SAMD4A: variants seen among roughly 807,000 people sequenced by gnomAD.
The protein encoded by SAMD4A is protein Smaug homolog 1.
Under a neutral mutation model 81.3 loss-of-function variants are expected in SAMD4A, and 33 were observed. The observed-to-expected ratio is 0.41, with a 90% confidence interval of 0.31 to 0.54. The LOEUF is 0.54. Ranked by LOEUF, SAMD4A falls within the 20% of genes least tolerant of loss-of-function variation. SAMD4A has a pLI of 0.37. For synonymous variants in SAMD4A, 389 were observed against 382.1 expected (o/e 1.02, Z -0.21); for missense variants, 854 against 951.1 (o/e 0.90, Z 1.34).
chr14:54,673,279 C>A (rs1199161249), intron 2 of SAMD4A, among the ~76,000 whole-genome samples: 1 of 152,206 alleles, frequency 6.6e-6, no homozygotes, highest in Non-Finnish European at 1.5e-5. Context: ...GAATTTGGCT[C>A]TTTCACGCTC....
intron 2 of SAMD4A, among the ~76,000 whole-genome samples, chr14:54,657,132 A>G (rs2035538431): frequency 6.6e-6 from 1 of 152,114 alleles, no homozygotes; most frequent in Non-Finnish European, 1.5e-5. Context: ...TCATTTTTCA[A>G]TTTCCTCACT....
chr14:54,566,860 C>G (rs987080861), upstream of SAMD4A, among the ~76,000 whole-genome samples: 3 of 152,072 alleles, frequency 2.0e-5, no homozygotes, highest in Admixed American at 2.0e-4. Flanking sequence ...AGCCGGGGCT[C>G]TGGGTTGCGC....
intron 3 of SAMD4A, among the ~76,000 whole-genome samples, chr14:54,705,558 G>C (rs1426772910): frequency 1.5e-5 from 2 of 137,402 alleles, no homozygotes; most frequent in Non-Finnish European, 3.2e-5. Flanking sequence ...CAGAAGGCCA[G>C]CCACCTCCTT....
chr14:54,622,308 A>T (rs551671916), intron 2 of SAMD4A, among the ~76,000 whole-genome samples: 1 of 152,298 alleles, frequency 6.6e-6, no homozygotes, highest in East Asian at 1.9e-4. Flanking sequence ...TCTTAGAGAA[A>T]ACTCTTCTCA....
At chr14:54,566,048 C>G (rs533465550), upstream of SAMD4A, among the ~76,000 whole-genome samples, 1 of 152,130 alleles carries the variant, frequency 6.6e-6, no homozygotes, top group Non-Finnish European at 1.5e-5. Flanking sequence ...CCCTGCCAAG[C>G]CCATGATGTA....
intron 4 of SAMD4A, among the ~76,000 whole-genome samples, chr14:54,739,827 C>G (rs563906004): frequency 6.6e-6 from 1 of 152,286 alleles, no homozygotes; most frequent in East Asian, 1.9e-4. Context: ...ATCTCCGTGT[C>G]TAAGAGCAGG....
Position 54,727,166 on chromosome 14 carries a change from C to CTTTTTTTT in SAMD4A, c.716-9824_716-9817dup, listed in dbSNP as rs567831973. 5.0e-3 allele frequency among the ~76,000 whole-genome samples: 293 copies of CTTTTTTTT among 59,188 alleles called. 77 individuals are homozygous for CTTTTTTTT. Among genetic ancestry groups the CTTTTTTTT allele is most frequent in the Non-Finnish European group, 7.6e-3 (227 of 29,784 alleles). The allele number at this position is 59,188 out of a possible 152,430, so 38.8% of individuals were successfully genotyped here. ...TTATCACAACAGCCTTCTTTTTTTC[C>CTTTTTTTT]TTTTTTTTTTTTTTTTTTTTTTTTT... On this transcript the variant is annotated intron_variant, in intron 3 of 12. Coordinates refer to ENST00000554335, the MANE Select transcript of SAMD4A (RefSeq NM_015589.6).
rs532907505 is a variant in SAMD4A, at chr14:54,610,136, C to T, written c.196+42024C>T. 1.2e-4 allele frequency among the ~76,000 whole-genome samples: 18 copies of T among 152,280 alleles called. No homozygotes were observed. In the South Asian group the frequency reaches 2.7e-3, roughly 23 times the overall value. ...TGCTTTTCCAGAACTAGATCACTTTCATTCTGTTTTGAATACTTAATAAAA... is the reference window on the plus strand; with the variant it reads ...TGCTTTTCCAGAACTAGATCACTTTTATTCTGTTTTGAATACTTAATAAAA... On this transcript the variant is annotated intron_variant, in intron 2 of 12. Transcript: ENST00000554335.
intron 12 of SAMD4A, among the ~76,000 whole-genome samples, chr14:54,786,924 C>G (rs1397712069): frequency 6.6e-6 from 1 of 152,176 alleles, no homozygotes; most frequent in Non-Finnish European, 1.5e-5. Context: ...ATGATCTCCT[C>G]TGGTGGGAAG....
At chr14:54,729,333 C>G (rs12590569) in intron 3 of SAMD4A, among the ~76,000 whole-genome samples, 1,580 of 152,242 alleles carry the variant, frequency 0.01, 59 homozygotes, top group East Asian at 0.086. Flanking sequence ...ACAGCACTTA[C>G]AATTTGAGAG....
rs139953814 is a variant in SAMD4A, at chr14:54,600,707, G to T, written c.196+32595G>T. ...GTAGGATCCATTGTTGAAGGTGAAA[G>T]CCCCTTTACTAGGAGGCTGGATCCT... On this transcript the variant is annotated intron_variant, in intron 2 of 12. Transcript: ENST00000554335. Among the ~76,000 whole-genome samples, 727 of 152,278 alleles carry T rather than the reference G, an allele frequency of 4.8e-3. 9 individuals carry two copies. Among genetic ancestry groups the T allele is most frequent in the African/African-American group, 0.017 (697 of 41,560 alleles).
At chr14:54,723,805 A>G (rs1276911073) in intron 3 of SAMD4A, among the ~76,000 whole-genome samples, 2 of 152,216 alleles carry the variant, frequency 1.3e-5, no homozygotes, top group Non-Finnish European at 2.9e-5. Context: ...GTACCTATGC[A>G]GAGAGATGCT....
chr14:54,671,734 C>T (rs566265205), intron 2 of SAMD4A, among the ~76,000 whole-genome samples: 3 of 152,334 alleles, frequency 2.0e-5, no homozygotes, highest in Middle Eastern at 3.4e-3. Context: ...TAGGTTTCTA[C>T]ATCTCAGTGC....
At chr14:54,653,167 A>C (rs1246185455) in intron 2 of SAMD4A, among the ~76,000 whole-genome samples, 1 of 150,740 alleles carries the variant, frequency 6.6e-6, no homozygotes, top group East Asian at 1.9e-4. Context: ...GTATTTCTGC[A>C]CTCTGGTTGG....
intron 4 of SAMD4A, among the ~76,000 whole-genome samples, chr14:54,739,482 G>T (rs1054911427): frequency 2.7e-5 from 4 of 150,814 alleles, no homozygotes; most frequent in African/African-American, 7.3e-5. Context: ...CCTTGGATTG[G>T]GATTCCAAGT....
At chr14:54,646,330 C>T (rs767523656) in intron 2 of SAMD4A, among the ~76,000 whole-genome samples, 10 of 152,096 alleles carry the variant, frequency 6.6e-5, no homozygotes, top group Non-Finnish European at 1.2e-4. Context: ...TGGAAGCTGC[C>T]CCCAAACAGA....
chr14:54,602,067 CTT>C (rs2034067423), intron 2 of SAMD4A, among the ~76,000 whole-genome samples: 2 of 152,106 alleles, frequency 1.3e-5, no homozygotes, highest in African/African-American at 4.8e-5. Flanking sequence ...GTACCAGAGA[CTT>C]CTTTTTTTCT....
At chr14:54,651,609 CAA>C (rs2035405331) in intron 2 of SAMD4A, among the ~76,000 whole-genome samples, 1 of 152,166 alleles carries the variant, frequency 6.6e-6, no homozygotes, top group South Asian at 2.1e-4. Flanking sequence ...GCACTACCCA[CAA>C]GAGATTTTTA....
At chr14:54,632,590 C>A (rs989743993) in intron 2 of SAMD4A, among the ~76,000 whole-genome samples, 1 of 151,944 alleles carries the variant, frequency 6.6e-6, no homozygotes, top group Admixed American at 6.5e-5. Context: ...TTTTTTTTCA[C>A]TTAACAGCAT....
Sources: gnomAD v4.1 joint callset for allele counts (sites outside exome capture counted in the v4.1 genomes callset) on GRCh38, gnomAD v4.1.1 for gene constraint, MANE v1.5 for transcripts, NCBI Gene and HGNC (gene_info 2026-07-23, HGNC 2026-07-21) for gene names.